The following NDST4 variants were observed in gnomAD, a reference collection of about 807,000 sequenced individuals.
NDST4 encodes the protein N-heparan sulfate sulfotransferase 4.
NDST4 carries 63 observed loss-of-function variants against 100.8 expected under a neutral mutation model. The observed-to-expected ratio is 0.62, with a 90% CI of 0.51 to 0.77. The LOEUF is 0.77. Among genes scored for constraint, NDST4 ranks in the 30% least tolerant of loss-of-function variants. The pLI, the probability that NDST4 is intolerant of heterozygous loss-of-function variation, is 0.00. For synonymous variants in NDST4, 377 were observed against 361.8 expected, an observed-to-expected ratio of 1.04 and a Z score of -0.48; for missense variants, 943 against 1,018.4, an observed-to-expected ratio of 0.93 and a Z score of 1.01.
At position 114,852,727 on chromosome 4, in the gene NDST4, GT is replaced by G. The variant is rs1215333204; in HGVS notation, c.1813del (p.Thr605GlnfsTer41). ...GTAGCACAATTGGCTATTTTTACCT[GT>G]TTTTTGTGGACCAATTACTAGAAAT... is the stretch of plus-strand genomic sequence containing the variant. ...PKFLVIGPQK[T>X]GTTALYLFLL... On this transcript the variant is annotated frameshift_variant, in exon 8 of 14. Transcript: ENST00000264363. LOFTEE classifies it high-confidence loss of function. 1.3e-6 allele frequency: 2 copies of G among 1,593,274 alleles called. No individual in the cohort carries two copies. The highest frequency in any genetic ancestry group is 1.1e-5 in the South Asian group (1 of 90,398).
chr4:115,001,338 A>C (rs1422119399), intron 2 of NDST4, among the ~76,000 whole-genome samples: 3 of 152,094 alleles, frequency 2.0e-5, no homozygotes, highest in Non-Finnish European at 4.4e-5. Context: ...ATTATTCAGA[A>C]GAGTGACCCA....
At chr4:114,858,746 G>C (rs78014298) in intron 7 of NDST4, among the ~76,000 whole-genome samples, 4,029 of 152,246 alleles carry the variant, frequency 0.026, 183 homozygotes, top group South Asian at 0.18. Flanking sequence ...TGGAGAATTT[G>C]TGCTTTCTTT....
intron 1 of NDST4, among the ~76,000 whole-genome samples, chr4:115,097,199 T>C (rs1729636985): frequency 6.6e-6 from 1 of 152,172 alleles, no homozygotes; most frequent in South Asian, 2.1e-4. Context: ...GTACTATTGA[T>C]AAAGTTGACT....
chr4:114,896,794 C>G (rs972396025), intron 6 of NDST4, among the ~76,000 whole-genome samples: 1 of 152,100 alleles, frequency 6.6e-6, no homozygotes, highest in African/African-American at 2.4e-5. Flanking sequence ...TATCACTATA[C>G]TTGTTTTTTT....
At chr4:114,991,062 G>A (rs997594761) in intron 2 of NDST4, among the ~76,000 whole-genome samples, 1 of 151,772 alleles carries the variant, frequency 6.6e-6, no homozygotes, top group African/African-American at 2.4e-5. Flanking sequence ...GCGAAGTAAA[G>A]AGAAGAGGTT....
intron 7 of NDST4, among the ~76,000 whole-genome samples, chr4:114,856,863 C>G (rs959999711): frequency 1.3e-5 from 2 of 152,192 alleles, no homozygotes; most frequent in Non-Finnish European, 2.9e-5. Context: ...GGGGTCTGGA[C>G]ATCTTGAGCA....
At chr4:114,830,197 A>G (rs898608152) in intron 12 of NDST4, among the ~76,000 whole-genome samples, 1 of 152,200 alleles carries the variant, frequency 6.6e-6, no homozygotes, top group African/African-American at 2.4e-5. Context: ...TCAAAGACCA[A>G]TAACTGAAAT....
chr4:114,883,896 C>T (rs1215881368), intron 6 of NDST4, among the ~76,000 whole-genome samples: 2 of 152,038 alleles, frequency 1.3e-5, no homozygotes, highest in Non-Finnish European at 2.9e-5. Context: ...GAATCTAATG[C>T]CACCGCTGAT....
chr4:115,030,034 A>AC lies in NDST4; in HGVS notation c.978+46024_978+46025insG, dbSNP rs561592670. Among the ~76,000 whole-genome samples the AC allele has an allele frequency of 2.8e-3, 413 of 149,772 alleles. 1 individual carries two copies. The highest frequency in any genetic ancestry group is 0.01 in the African/African-American group (397 of 39,280). On this transcript the variant is annotated intron_variant, in intron 2 of 13. Coordinates refer to ENST00000264363, the MANE Select transcript of NDST4 (RefSeq NM_022569.3). ...TCAATATATTTTACCTTATTGTGTA[A>AC]TTTTGTTATTACTGTTTTATGCTAT...
In NDST4 at chr4:115,010,317, A is replaced by G. The variant is rs1421415061; in HGVS notation, c.979-33043T>C. Among the ~76,000 whole-genome samples, 3 of 127,744 alleles carry G rather than the reference A, an allele frequency of 2.3e-5. 1 individual carries two copies. Among genetic ancestry groups the G allele is most frequent in the African/African-American group, 9.0e-5 (3 of 33,448 alleles). The allele number at this position is 127,744 out of a possible 152,430, so 83.8% of individuals were successfully genotyped here. A position where few individuals can be genotyped will look rare whatever the true frequency, so the allele number is the denominator to read the frequency against. ...TCCAACAGTGATAGACTGGATTAAG[A>G]AAATGTGGCACATATACACCATGGA... is the stretch of plus-strand genomic sequence containing the variant. On this transcript the variant is annotated intron_variant, in intron 2 of 13. Transcript: ENST00000264363.
intron 6 of NDST4, among the ~76,000 whole-genome samples, chr4:114,883,838 C>T (rs1328313256): frequency 6.6e-6 from 1 of 152,056 alleles, no homozygotes; most frequent in African/African-American, 2.4e-5. Flanking sequence ...AGCCTGCAAC[C>T]TAGATCCCTT....
Position 115,046,684 on chromosome 4 carries a change from T to C in NDST4, c.978+29375A>G, listed in dbSNP as rs1230525902. Among the ~76,000 whole-genome samples the C allele has an allele frequency of 2.6e-5, 4 of 152,128 alleles. No individual in the cohort carries two copies. The South Asian group carries it at 6.2e-4, about 24-fold the overall frequency. The stretch of plus-strand genomic sequence containing the variant: ...TAAGTTTGGACAAATAGATGATACA[T>C]AATTTAAGAGTTATTTCTGTTAAGC... On this transcript the variant is annotated intron_variant, in intron 2 of 13. Coordinates refer to ENST00000264363, the MANE Select transcript of NDST4 (RefSeq NM_022569.3).
chr4:115,015,426 T>A (rs565927506), intron 2 of NDST4, among the ~76,000 whole-genome samples: 1 of 152,210 alleles, frequency 6.6e-6, no homozygotes, highest in East Asian at 1.9e-4. Flanking sequence ...ATCTAGTTGT[T>A]CATTTTGTTT....
intron 2 of NDST4, among the ~76,000 whole-genome samples, chr4:115,050,334 G>A (rs1728556719): frequency 6.6e-6 from 1 of 151,902 alleles, no homozygotes; most frequent in Non-Finnish European, 1.5e-5. Context: ...ATGTAAACAG[G>A]TAAGAATCTA....
intron 6 of NDST4, among the ~76,000 whole-genome samples, chr4:114,894,052 T>C (rs1724660333): frequency 6.6e-6 from 1 of 152,128 alleles, no homozygotes; most frequent in Non-Finnish European, 1.5e-5. Context: ...TGGTTGTAGA[T>C]GAGTAGTGTT....
chr4:114,986,830 A>ATTTTTT (rs1221108713), intron 2 of NDST4, among the ~76,000 whole-genome samples: 130 of 91,964 alleles, frequency 1.4e-3, no homozygotes, highest in African/African-American at 2.3e-3. Flanking sequence ...ATATATATAT[A>ATTTTTT]TATTTTAATA....
chr4:115,063,237 C>T (rs1000302231), intron 2 of NDST4, among the ~76,000 whole-genome samples: 3 of 151,802 alleles, frequency 2.0e-5, no homozygotes, highest in African/African-American at 7.3e-5. Flanking sequence ...CATCAGAAGA[C>T]TATTTGATTT....
At chr4:114,995,736 G>GT (rs1225853925) in intron 2 of NDST4, among the ~76,000 whole-genome samples, 3 of 151,922 alleles carry the variant, frequency 2.0e-5, no homozygotes, top group Non-Finnish European at 4.4e-5. Context: ...TGTTACAAAT[G>GT]TTTTTTAAAA....
At chr4:115,042,314 C>T (rs1035057956) in intron 2 of NDST4, among the ~76,000 whole-genome samples, 1 of 152,100 alleles carries the variant, frequency 6.6e-6, no homozygotes, top group Non-Finnish European at 1.5e-5. Context: ...CCATTGACAT[C>T]GTTATGGCTC....
Sources: allele counts gnomAD v4.1 joint callset (sites outside exome capture counted in the v4.1 genomes callset), GRCh38; gene constraint gnomAD v4.1.1; transcripts MANE v1.5; gene names NCBI Gene and HGNC (gene_info 2026-07-23, HGNC 2026-07-21).